EVL: variants seen among roughly 807,000 people sequenced by gnomAD.
EVL encodes ena/VASP-like protein.
Under a neutral mutation model 59.6 loss-of-function variants are expected in EVL, and 21 were observed. The observed-to-expected ratio is 0.35, with a 90% CI of 0.25 to 0.51. The LOEUF (loss-of-function observed/expected upper bound fraction) is 0.51, where lower values mean the gene tolerates loss of function less well. Ranked by LOEUF, EVL falls within the 20% of genes least tolerant of loss-of-function variation. The pLI, the probability that EVL is intolerant of heterozygous loss-of-function variation, is 0.97. For synonymous variants in EVL, 198 were observed against 203.5 expected (o/e 0.97, Z 0.23); for missense variants, 462 against 546.6 (o/e 0.85, Z 1.54).
chr14:100,064,158 C>T (rs2061885504), upstream of EVL, among the ~76,000 whole-genome samples: 1 of 152,226 alleles, frequency 6.6e-6, no homozygotes, highest in Non-Finnish European at 1.5e-5. Flanking sequence ...GTGCATTCAT[C>T]TCTCCAATTA....
Position 100,112,546 on chromosome 14 carries a change from C to T in EVL, c.359-10993C>T, listed in dbSNP as rs564067704. On this transcript the variant is annotated intron_variant, in intron 3 of 13. Coordinates refer to ENST00000392920, the MANE Select transcript of EVL (RefSeq NM_016337.3). ...CCTGGCTGTCTTTCTGAACTCACTT[C>T]CTCCCTACTCTCTACCTCTCCTCCT... 1.3e-4 allele frequency among the ~76,000 whole-genome samples: 20 copies of T among 152,312 alleles called. No homozygotes were observed. The South Asian group carries it at 3.1e-3, about 24-fold the overall frequency.
At chr14:100,125,491 C>G (rs1888015352) in intron 4 of EVL, among the ~76,000 whole-genome samples, 1 of 152,052 alleles carries the variant, frequency 6.6e-6, no homozygotes, top group East Asian at 1.9e-4. Flanking sequence ...GCAGTTTGAG[C>G]AGAGACACTA....
chr14:100,091,268 A>C (rs1306837056), intron 2 of EVL, among the ~76,000 whole-genome samples: 2 of 152,032 alleles, frequency 1.3e-5, no homozygotes, highest in Non-Finnish European at 2.9e-5. Flanking sequence ...TCCCTGACCT[A>C]CCTTGTCTGA....
At chr14:100,129,431 C>A in intron 6 of EVL, 132 bp from the exon 7 acceptor site, 2 of 1,290,922 alleles carry the variant, frequency 1.5e-6, no homozygotes, top group South Asian at 1.3e-5. Context: ...GACCAGATGG[C>A]CCCTGAGGCC....
At chr14:100,123,706 C>G in intron 4 of EVL, 104 bp downstream of exon 4, 2 of 1,172,292 alleles carry the variant, frequency 1.7e-6, no homozygotes, top group South Asian at 2.6e-5. Flanking sequence ...AAGGCCAGGA[C>G]TCCTAGAGGC....
intron 1 of EVL, among the ~76,000 whole-genome samples, chr14:99,981,385 C>A (rs779304121): frequency 2.0e-4 from 30 of 152,094 alleles, no homozygotes; most frequent in Non-Finnish European, 3.7e-4. Flanking sequence ...GAGCCGAGAT[C>A]ATGTCATTGC....
At chr14:100,013,331 A>G (rs1182225633) in intron 1 of EVL, among the ~76,000 whole-genome samples, 1 of 152,254 alleles carries the variant, frequency 6.6e-6, no homozygotes, top group East Asian at 1.9e-4. Context: ...TCAGGAGGGC[A>G]ACTCGATGGG....
intron 1 of EVL, among the ~76,000 whole-genome samples, chr14:100,058,529 G>C (rs1313844430): frequency 1.3e-5 from 2 of 152,110 alleles, no homozygotes; most frequent in East Asian, 3.9e-4. Context: ...TTCTTAACTT[G>C]CTCACTAAAT....
chr14:100,011,349 T>C (rs1375781749), intron 1 of EVL, among the ~76,000 whole-genome samples: 1 of 152,250 alleles, frequency 6.6e-6, no homozygotes, highest in Non-Finnish European at 1.5e-5. Context: ...TAGATATTAA[T>C]TTATAGAAAA....
chr14:100,054,721 C>G (rs989008429), intron 1 of EVL, among the ~76,000 whole-genome samples: 1 of 152,182 alleles, frequency 6.6e-6, no homozygotes, highest in Admixed American at 6.5e-5. Flanking sequence ...GCTCCTGTCC[C>G]CTTATTGACT....
intron 1 of EVL, among the ~76,000 whole-genome samples, chr14:100,003,734 A>G (rs1018028687): frequency 6.6e-6 from 1 of 152,206 alleles, no homozygotes; most frequent in African/African-American, 2.4e-5. Context: ...CCTTAATTAA[A>G]AAAAAATTTT....
At position 99,972,730 on chromosome 14, in the gene EVL, C is replaced by G. The variant is rs549983512; in HGVS notation, c.5+673C>G. 3.3e-4 allele frequency among the ~76,000 whole-genome samples: 50 copies of G among 152,192 alleles called. No homozygotes were observed. Among genetic ancestry groups the G allele is most frequent in the African/African-American group, 1.1e-3 (47 of 41,540 alleles). ...TAAAACCTTGCTTCTGCCAGAAGCC[C>G]GGTGCCCTCTCCCAGTCGCTAAACC... is the stretch of plus-strand genomic sequence containing the variant. On this transcript the variant is annotated intron_variant, in intron 1 of 13. Transcript: ENST00000402714. This position sits in a 1 kb window ranked among gnomAD's most constrained non-coding sequence, Gnocchi z 4.4.
chr14:99,973,548 T>G (rs1279513345), intron 1 of EVL, among the ~76,000 whole-genome samples: 1 of 152,192 alleles, frequency 6.6e-6, no homozygotes, highest in East Asian at 1.9e-4. Flanking sequence ...CTGCAACCTC[T>G]GCCTCCTGGG....
intron 3 of EVL, among the ~76,000 whole-genome samples, chr14:100,099,179 C>CAAAAAAA (rs57154685): frequency 1.3e-3 from 67 of 50,790 alleles, no homozygotes; most frequent in African/African-American, 1.7e-3. Flanking sequence ...CCTGTCTCTA[C>CAAAAAAA]AAAAAAAAAA....
chr14:100,065,982 A>C lies in EVL; in HGVS notation c.11+471A>C, dbSNP rs143653706. Among the ~76,000 whole-genome samples, 363 of 152,304 alleles carry C rather than the reference A, an allele frequency of 2.4e-3. 1 individual carries two copies. The highest frequency in any genetic ancestry group is 3.8e-3 in the Non-Finnish European group (257 of 68,020). On this transcript the variant is annotated intron_variant, in intron 1 of 13. Coordinates refer to ENST00000392920, the MANE Select transcript of EVL (RefSeq NM_016337.3). ...TTAATAGCAAGAGTCCTGACCCTCC[A>C]CTTGAGAGACTTGTGGACTTAGGCT...
chr14:100,087,938 A>G (rs1289523180), intron 2 of EVL, among the ~76,000 whole-genome samples: 1 of 152,226 alleles, frequency 6.6e-6, no homozygotes, highest in East Asian at 1.9e-4. Context: ...AGAGATATTT[A>G]CTTGAAGAAG....
intron 4 of EVL, among the ~76,000 whole-genome samples, chr14:100,125,027 G>A (rs1045193650): frequency 1.4e-5 from 2 of 147,728 alleles, no homozygotes; most frequent in South Asian, 2.1e-4. Context: ...CCTGCCCCAA[G>A]ATGAGACCAC....
intron 12 of EVL, among the ~76,000 whole-genome samples, 161 bp downstream of exon 12, chr14:100,141,407 T>A (rs1223346268): frequency 6.6e-6 from 1 of 152,140 alleles, no homozygotes; most frequent in Non-Finnish European, 1.5e-5. Flanking sequence ...CCCAAGCCTG[T>A]CCTTTGTCCC....
At chr14:99,973,398 T>C (rs898016770) in intron 1 of EVL, among the ~76,000 whole-genome samples, 1 of 152,236 alleles carries the variant, frequency 6.6e-6, no homozygotes, top group African/African-American at 2.4e-5. Flanking sequence ...GAACATCTTT[T>C]TATTTTTATT....
Sources: gnomAD v4.1 joint callset for allele counts (sites outside exome capture counted in the v4.1 genomes callset) on GRCh38, gnomAD v4.1.1 for gene constraint, Gnocchi (gnomAD v3.1) non-coding constraint, MANE v1.5 for transcripts, NCBI Gene and HGNC (gene_info 2026-07-23, HGNC 2026-07-21) for gene names.